Variants in UBE2D2 observed in about 807,000 individuals in gnomAD.
UBE2D2 encodes ubiquitin-conjugating enzyme E2 D2.
UBE2D2 carries 2 observed loss-of-function variants against 24.2 expected under a neutral mutation model. That is an observed-to-expected ratio of 0.08 (90% CI 0.03 to 0.26). The LOEUF (loss-of-function observed/expected upper bound fraction) is 0.26. UBE2D2 is among the 10% of genes least tolerant of loss of function. The pLI, the probability that UBE2D2 is intolerant of heterozygous loss-of-function variation, is 1.00. For missense variants in UBE2D2, 44 were observed against 177.6 expected (o/e 0.25, Z 4.28); for synonymous variants, 58 against 56.5 (o/e 1.03, Z -0.12).
chr5:139,536,428 A>G (rs1030220098), intron 1 of UBE2D2, among the ~76,000 whole-genome samples: 3 of 151,582 alleles, frequency 2.0e-5, no homozygotes, highest in Non-Finnish European at 4.4e-5. Context: ...CAGTGGCATA[A>G]TCTTGGCTCA....
chr5:139,597,692 C>T (rs1469986259), intron 1 of UBE2D2, among the ~76,000 whole-genome samples: 3 of 152,176 alleles, frequency 2.0e-5, no homozygotes, highest in Non-Finnish European at 4.4e-5. Flanking sequence ...CAACCTGTTG[C>T]TATAGCAATG....
At chr5:139,578,585 TGGG>T (rs1753532646) in intron 1 of UBE2D2, among the ~76,000 whole-genome samples, 1 of 152,032 alleles carries the variant, frequency 6.6e-6, no homozygotes, top group South Asian at 2.1e-4. Context: ...TTCCAGTAGC[TGGG>T]ACAGCAGGTG....
At chr5:139,556,656 T>TTAGGTTGCTGC (rs1752983603), upstream of UBE2D2, among the ~76,000 whole-genome samples, 1 of 152,176 alleles carries the variant, frequency 6.6e-6, no homozygotes, top group Admixed American at 6.5e-5. Context: ...ACAGATAGTA[T>TTAGGTTGCTGC]TAGGTTGCTG....
At chr5:139,561,897 T>G (rs1753108742) in intron 1 of UBE2D2, 82 bp downstream of exon 1, 1 of 1,427,590 alleles carries the variant, frequency 7.0e-7, no homozygotes, top group Non-Finnish European at 9.1e-7. Context: ...TCCGTCGGGC[T>G]CGCGGCCTCC....
At chr5:139,579,419 T>C (rs561652727) in intron 1 of UBE2D2, among the ~76,000 whole-genome samples, 63 of 152,158 alleles carry the variant, frequency 4.1e-4, no homozygotes, top group Non-Finnish European at 7.8e-4. Flanking sequence ...AGTGCTGTGA[T>C]TACAGGCGTG....
chr5:139,595,243 C>T (rs556323722), intron 1 of UBE2D2, among the ~76,000 whole-genome samples: 6 of 152,210 alleles, frequency 3.9e-5, no homozygotes, highest in South Asian at 2.1e-4. Flanking sequence ...CCACATGTTC[C>T]GACTAGATCG....
At chr5:139,541,764 A>G (rs1752765156) in intron 1 of UBE2D2, among the ~76,000 whole-genome samples, 1 of 151,872 alleles carries the variant, frequency 6.6e-6, no homozygotes, top group Non-Finnish European at 1.5e-5. Context: ...AATAAAAATA[A>G]AAAGTCTCCG....
At chr5:139,602,723 G>A (rs996391585) in intron 2 of UBE2D2, among the ~76,000 whole-genome samples, 1 of 152,056 alleles carries the variant, frequency 6.6e-6, no homozygotes, top group Non-Finnish European at 1.5e-5. Context: ...AAAAAAGAAT[G>A]TGTCTGGTCT....
intron 1 of UBE2D2, chr5:139,554,986 ATCAT>A (rs780649798): frequency 2.0e-5 from 3 of 152,236 alleles, no homozygotes; most frequent in Non-Finnish European, 4.4e-5. Flanking sequence ...TAAACATCAC[ATCAT>A]TCATATTAGC....
intron 1 of UBE2D2, among the ~76,000 whole-genome samples, chr5:139,592,152 A>G (rs945593502): frequency 6.6e-6 from 1 of 152,296 alleles, no homozygotes; most frequent in South Asian, 2.1e-4. Flanking sequence ...CAGTGAACCA[A>G]GATTGCTCCA....
intron 2 of UBE2D2, among the ~76,000 whole-genome samples, chr5:139,609,927 A>G (rs969170977): frequency 2.6e-5 from 4 of 151,270 alleles, no homozygotes; most frequent in Admixed American, 2.0e-4. Flanking sequence ...ACCTGCCACT[A>G]CGCCCAGCTA....
At chr5:139,572,335 A>G (rs1341460490) in intron 1 of UBE2D2, among the ~76,000 whole-genome samples, 1 of 152,232 alleles carries the variant, frequency 6.6e-6, no homozygotes, top group Non-Finnish European at 1.5e-5. Context: ...ATGGTGGCTC[A>G]TGCCTGTAAT....
At chr5:139,562,274 T>C in intron 1 of UBE2D2, 1 of 1,357,340 alleles carries the variant, frequency 7.4e-7, no homozygotes, top group South Asian at 1.1e-5. Context: ...GAGCTCGGGC[T>C]GACAGAGGAA....
intron 2 of UBE2D2, among the ~76,000 whole-genome samples, chr5:139,604,697 C>T (rs1754158612): frequency 6.6e-6 from 1 of 151,948 alleles, no homozygotes; most frequent in African/African-American, 2.4e-5. Flanking sequence ...CCAGCCTGGG[C>T]AACAAAGCAA....
At chr5:139,572,427 T>A (rs1324762177) in intron 1 of UBE2D2, among the ~76,000 whole-genome samples, 2 of 152,042 alleles carry the variant, frequency 1.3e-5, no homozygotes, top group African/African-American at 2.4e-5. Flanking sequence ...AGCAAGACCC[T>A]GTGTCTACAA....
At chr5:139,615,348 G>C (rs1477100302) in intron 5 of UBE2D2, among the ~76,000 whole-genome samples, 1 of 152,174 alleles carries the variant, frequency 6.6e-6, no homozygotes, top group Admixed American at 6.5e-5. Context: ...AGCTGGGCAT[G>C]GTGGCAGGTG....
At chr5:139,591,572 A>G (rs1581515100) in intron 1 of UBE2D2, among the ~76,000 whole-genome samples, 1 of 152,180 alleles carries the variant, frequency 6.6e-6, no homozygotes, top group African/African-American at 2.4e-5. Context: ...CTGTCTTTAT[A>G]CTAGAAGGCA....
At chr5:139,619,652 C>T (rs895903349) in intron 5 of UBE2D2, among the ~76,000 whole-genome samples, 2 of 152,046 alleles carry the variant, frequency 1.3e-5, no homozygotes, top group Non-Finnish European at 2.9e-5. Flanking sequence ...TCACTGAGGT[C>T]GGGAGTTTGA....
At chr5:139,584,535 T>TTTC (rs1193919677) in intron 1 of UBE2D2, among the ~76,000 whole-genome samples, 23 of 147,402 alleles carry the variant, frequency 1.6e-4, no homozygotes, top group African/African-American at 4.7e-4. Flanking sequence ...TTTCTTTTCT[T>TTTC]TTTTTTTTTT....
Sources: allele counts gnomAD v4.1 joint callset (sites outside exome capture counted in the v4.1 genomes callset), GRCh38; gene constraint gnomAD v4.1.1; transcripts MANE v1.5; gene names NCBI Gene and HGNC (gene_info 2026-07-23, HGNC 2026-07-21).